Variants in POU3F3 observed in about 807,000 individuals in gnomAD.
The protein encoded by POU3F3 is POU class 3 homeobox 3.
POU3F3 carries 1 observed loss-of-function variant against 8.6 expected under a neutral mutation model. The ratio of observed to expected loss-of-function variants is 0.12; its 90% CI spans 0.04 to 0.55. POU3F3 has a LOEUF of 0.55. Among genes scored for constraint, POU3F3 ranks in the 20% least tolerant of loss-of-function variants. The probability of loss-of-function intolerance (pLI) is 0.91; values close to 1 mark genes in which losing one functional copy is unlikely to be tolerated. For synonymous variants in POU3F3, 418 were observed against 327.4 expected, an observed-to-expected ratio of 1.28 and a Z score of -2.99; for missense variants, 577 against 690.7, an observed-to-expected ratio of 0.84 and a Z score of 1.84.
the POU3F3 span, among the ~76,000 whole-genome samples, chr2:104,878,182 A>C: frequency 6.6e-6 from 1 of 152,210 alleles, no homozygotes; most frequent in Non-Finnish European, 1.5e-5. Flanking sequence ...AGGACAGATC[A>C]GCTGTGCTAG....
At chr2:104,916,193 C>T in the POU3F3 span, among the ~76,000 whole-genome samples, 3 of 152,052 alleles carry the variant, frequency 2.0e-5, no homozygotes. Flanking sequence ...TAATAAAGAG[C>T]TCAAGATTTA....
chr2:104,854,881 G>A lies in POU3F3; in HGVS notation c.-630G>A, dbSNP rs1676516132. ...GGAGAGGAGAGAGCGGACAAGAGAAGGAGCGGGCCGGTTGCTGGTCATCCG... is the reference window on the plus strand; with the variant it reads ...GGAGAGGAGAGAGCGGACAAGAGAAAGAGCGGGCCGGTTGCTGGTCATCCG... On this transcript the variant is annotated 5_prime_UTR_variant, in exon 1 of 1. Transcript: ENST00000361360. This position sits in a 1 kb window ranked among gnomAD's most constrained non-coding sequence, Gnocchi z 4.5. Among the ~76,000 whole-genome samples, 1 of 152,236 alleles carries A rather than the reference G, an allele frequency of 6.6e-6. No homozygotes were observed.
the POU3F3 span, among the ~76,000 whole-genome samples, chr2:104,911,353 T>A: frequency 1.8e-4 from 27 of 147,384 alleles, no homozygotes; most frequent in African/African-American, 6.8e-4. Flanking sequence ...AGGCAGAGGT[T>A]GCAGTGAGCT....
chr2:104,879,830 G>A, the POU3F3 span, among the ~76,000 whole-genome samples: 3 of 152,182 alleles, frequency 2.0e-5, no homozygotes. Flanking sequence ...CAAGTGTGGG[G>A]TGTCTTCCTG....
At chr2:104,921,707 T>C in the POU3F3 span, among the ~76,000 whole-genome samples, 9 of 152,226 alleles carry the variant, frequency 5.9e-5, no homozygotes, top group East Asian at 1.4e-3. Context: ...CATTCAGAAG[T>C]GACCACATAG....
In POU3F3 at chr2:104,856,224, G is replaced by A. The variant is rs1676564616; in HGVS notation, c.714G>A (p.Pro238=). The A allele has an allele frequency of 1.6e-6, 2 of 1,269,176 alleles. No homozygotes were observed. Among genetic ancestry groups the A allele is most frequent in the Non-Finnish European group, 9.8e-7 (1 of 1,016,170 alleles). The allele number at this position is 1,269,176 out of a possible 1,614,324, so 78.6% of individuals were successfully genotyped here. A position where few individuals can be genotyped will look rare whatever the true frequency, so the allele number is the denominator to read the frequency against. The part of the protein sequence containing the change: ...FTVNGMLSAP[P]GPGGGGGGAG... ...TGAACGGCATGCTGAGCGCGCCACC[G>A]GGGCCCGGCGGCGGCGGCGGCGGCG... Residue 238 remains proline (P), a synonymous_variant, in exon 1 of 1, where the codon CCG becomes CCA. Transcript: ENST00000361360.
chr2:104,868,496 C>T, the POU3F3 span: 1 of 382,584 alleles, frequency 2.6e-6, no homozygotes, highest in South Asian at 1.9e-5. Flanking sequence ...TCAGAAGCAT[C>T]GCTGCAGACC....
the POU3F3 span, among the ~76,000 whole-genome samples, chr2:104,907,931 G>C: frequency 1.8e-4 from 27 of 152,116 alleles, no homozygotes; most frequent in Non-Finnish European, 2.8e-4. Context: ...ATGTGTGAGA[G>C]TGTGTGTGTA....
At chr2:104,898,588 A>G in the POU3F3 span, among the ~76,000 whole-genome samples, 1 of 152,226 alleles carries the variant, frequency 6.6e-6, no homozygotes, top group Non-Finnish European at 1.5e-5. Flanking sequence ...AGACTGTCGT[A>G]TTTTATGACT....
the POU3F3 span, among the ~76,000 whole-genome samples, chr2:104,870,566 C>A: frequency 6.6e-6 from 1 of 152,208 alleles, no homozygotes; most frequent in African/African-American, 2.4e-5. Flanking sequence ...GTTCCAAACA[C>A]TCCTTGTGTC....
the POU3F3 span, among the ~76,000 whole-genome samples, chr2:104,865,232 G>C: frequency 6.6e-6 from 1 of 152,214 alleles, no homozygotes; most frequent in Non-Finnish European, 1.5e-5. Context: ...TAAGTTGATA[G>C]AGGGGTGTTG....
At chr2:104,911,996 T>C in the POU3F3 span, among the ~76,000 whole-genome samples, 1 of 152,192 alleles carries the variant, frequency 6.6e-6, no homozygotes, top group African/African-American at 2.4e-5. Context: ...TCAATAAAAG[T>C]GTACCTCTGA....
chr2:104,863,992 TG>T, the POU3F3 span, among the ~76,000 whole-genome samples: 5 of 152,198 alleles, frequency 3.3e-5, no homozygotes, highest in African/African-American at 1.2e-4. Flanking sequence ...GTGGAGTTCT[TG>T]GGCAGCCCCC....
chr2:104,855,784 A>G lies in POU3F3; in HGVS notation c.274A>G (p.Ser92Gly). Residue 92 changes from serine (S) to glycine (G), a missense_variant, in exon 1 of 1, where the codon AGC becomes GGC. By Grantham distance (56) the Ser-to-Gly change is moderately conservative (BLOSUM62 0). Around this residue, in one of 7 missense-constraint regions of POU3F3, gnomAD observed 484 missense variants for 422.6 expected, o/e 1.15. Coordinates refer to ENST00000361360, the MANE Select transcript of POU3F3 (RefSeq NM_006236.3). ...CGCCAGCAACGGCGGCCATATGCTG[A>G]GCCACGCGCACCAGTGGGTCACAGC... Reference protein sequence around the residue: ...MAASNGGHMLSHAHQWVTALP... With the variant: ...MAASNGGHMLGHAHQWVTALP... 1.5e-6 allele frequency: 2 copies of G among 1,298,450 alleles called. No individual in the cohort carries two copies. Among genetic ancestry groups the G allele is most frequent in the East Asian group, 4.9e-5 (1 of 20,526 alleles). The allele number at this position is 1,298,450 out of a possible 1,614,324, so 80.4% of individuals were successfully genotyped here.
the POU3F3 span, among the ~76,000 whole-genome samples, chr2:104,925,472 A>C: frequency 2.0e-5 from 3 of 152,190 alleles, no homozygotes; most frequent in African/African-American, 7.2e-5. Context: ...CCCTTAAGTT[A>C]AACCTCAGAT....
chr2:104,901,944 C>T, the POU3F3 span, among the ~76,000 whole-genome samples: 4 of 152,274 alleles, frequency 2.6e-5, no homozygotes, highest in East Asian at 1.9e-4. Flanking sequence ...AATGGAGTTG[C>T]GTATTAATGC....
Position 104,856,656 on chromosome 2 carries a change from G to C in POU3F3, c.1146G>C (p.Lys382Asn), listed in dbSNP as rs1442601437. 6.2e-7 allele frequency: 1 copy of C among 1,614,064 alleles called. No homozygotes were observed. The highest frequency in any genetic ancestry group is 8.5e-7 in the Non-Finnish European group (1 of 1,180,038). ...GCAAGCTCAAGCCGCTGCTGAACAAGTGGCTGGAGGAGGCGGACTCAAGCA... is the reference window on the plus strand; with the variant it reads ...GCAAGCTCAAGCCGCTGCTGAACAACTGGCTGGAGGAGGCGGACTCAAGCA... ...NMCKLKPLLNKWLEEADSSTG... is the reference protein window; with the variant it reads ...NMCKLKPLLNNWLEEADSSTG... The change falls in exon 1 of 1, where the codon AAG becomes AAC. Residue 382 changes from lysine (K) to asparagine (N), a missense_variant. By Grantham distance (94) the Lys-to-Asn change is moderately conservative (BLOSUM62 0). Transcript: ENST00000361360.
the POU3F3 span, among the ~76,000 whole-genome samples, chr2:104,864,276 C>A: frequency 6.6e-6 from 1 of 152,210 alleles, no homozygotes; most frequent in African/African-American, 2.4e-5. Flanking sequence ...CCGTGGTGAG[C>A]CTTAGAAAGA....
At chr2:104,893,986 A>G in the POU3F3 span, among the ~76,000 whole-genome samples, 2 of 152,168 alleles carry the variant, frequency 1.3e-5, no homozygotes, top group Non-Finnish European at 2.9e-5. Flanking sequence ...GGCTATGTAC[A>G]CACCATATTG....
Sources: gnomAD v4.1 joint callset for allele counts (sites outside exome capture counted in the v4.1 genomes callset) on GRCh38, gnomAD v4.1.1 for gene constraint, gnomAD v4.1.1 regional missense constraint, Gnocchi (gnomAD v3.1) non-coding constraint, MANE v1.5 for transcripts, NCBI Gene and HGNC (gene_info 2026-07-23, HGNC 2026-07-21) for gene names.